The following BCAT1 variants were observed in gnomAD, a reference collection of about 807,000 sequenced individuals.
The protein encoded by BCAT1 is branched chain amino acid transaminase 1, also known as branched-chain-amino-acid aminotransferase, cytosolic.
A neutral mutation model predicts 52.4 loss-of-function variants in BCAT1; 48 were observed. That is an observed-to-expected ratio of 0.92 (90% CI 0.73 to 1.16). The LOEUF is 1.16. Ranked by LOEUF, BCAT1 falls within the 50% of genes most tolerant of loss-of-function variation. BCAT1 has a pLI of 0.00. For synonymous variants in BCAT1, 167 were observed against 161.3 expected, an observed-to-expected ratio of 1.04 and a Z score of -0.27; for missense variants, 451 against 457.1, an observed-to-expected ratio of 0.99 and a Z score of 0.12.
At chr12:24,870,534 A>G (rs1942156276) in intron 5 of BCAT1, among the ~76,000 whole-genome samples, 1 of 152,198 alleles carries the variant, frequency 6.6e-6, no homozygotes, top group African/African-American at 2.4e-5. Flanking sequence ...TATATTATGA[A>G]AGTCTGACCC....
In BCAT1 at chr12:24,851,625, C is replaced by T. The variant is rs145637384; in HGVS notation, c.511-1676G>A. ...TGATGGAAGACTATGTTAGAGAAAT[C>T]CGTCAGCAAGCAACAACAGGTTTTG... On this transcript the variant is annotated intron_variant, in intron 5 of 10. Coordinates refer to ENST00000261192, the MANE Select transcript of BCAT1 (RefSeq NM_005504.7). Among the ~76,000 whole-genome samples the T allele has an allele frequency of 1.5e-3, 224 of 152,312 alleles. No homozygotes were observed. The Middle Eastern group carries it at 0.017, about 12-fold the overall frequency.
intron 1 of BCAT1, among the ~76,000 whole-genome samples, chr12:24,927,147 G>A (rs2139734578): frequency 6.6e-6 from 1 of 152,248 alleles, no homozygotes; most frequent in South Asian, 2.1e-4. Context: ...TCTCTTGGAT[G>A]ATAATGAAAT....
At chr12:24,935,766 C>A (rs1016713135) in intron 1 of BCAT1, among the ~76,000 whole-genome samples, 1 of 152,190 alleles carries the variant, frequency 6.6e-6, no homozygotes, top group African/African-American at 2.4e-5. Flanking sequence ...CAAGTTCAAA[C>A]AAATTCTGCT....
intron 10 of BCAT1, among the ~76,000 whole-genome samples, chr12:24,822,412 G>C (rs556677386): frequency 2.0e-5 from 3 of 152,324 alleles, no homozygotes; most frequent in South Asian, 2.1e-4. Context: ...TTCGGTGGCT[G>C]TTGTTGGCCT....
chr12:24,823,951 A>G (rs1033282542), intron 10 of BCAT1, among the ~76,000 whole-genome samples: 31 of 152,296 alleles, frequency 2.0e-4, no homozygotes, highest in African/African-American at 7.5e-4. Flanking sequence ...AACTTTGGTA[A>G]TGGTTTCCCA....
upstream of BCAT1, chr12:24,949,148 C>A: frequency 1.7e-6 from 1 of 586,324 alleles, no homozygotes; most frequent in Non-Finnish European, 3.0e-6. Context: ...CGGATTGCAT[C>A]AGCAGGAAGA....
chr12:24,830,696 T>C (rs1940625074), intron 9 of BCAT1: 1 of 152,200 alleles, frequency 6.6e-6, no homozygotes, highest in East Asian at 1.9e-4. Flanking sequence ...ACTTCTTATT[T>C]CTAGAAGTGA....
At chr12:24,889,854 G>T (rs2139636268) in intron 3 of BCAT1, among the ~76,000 whole-genome samples, 1 of 152,176 alleles carries the variant, frequency 6.6e-6, no homozygotes, top group South Asian at 2.1e-4. Flanking sequence ...TAAAATAAAA[G>T]ACCCTCTCCG....
chr12:24,878,385 C>T (rs1320043922), intron 5 of BCAT1, 145 bp downstream of exon 5: 3 of 754,714 alleles, frequency 4.0e-6, no homozygotes. Context: ...ATGTTTGCTA[C>T]CTCTAATCTT....
intron 10 of BCAT1, among the ~76,000 whole-genome samples, chr12:24,821,856 T>C (rs1940148699): frequency 6.6e-6 from 1 of 152,158 alleles, no homozygotes; most frequent in Non-Finnish European, 1.5e-5. Flanking sequence ...GTATTTGGAC[T>C]GAGCAAAGGG....
intron 1 of BCAT1, among the ~76,000 whole-genome samples, chr12:24,937,472 GT>G (rs1217448854): frequency 6.6e-6 from 1 of 152,036 alleles, no homozygotes; most frequent in Non-Finnish European, 1.5e-5. Context: ...GGTTGAAGAG[GT>G]TTTTTGCTTA....
chr12:24,829,053 AAAG>A (rs1940531755), intron 10 of BCAT1, among the ~76,000 whole-genome samples: 1 of 150,116 alleles, frequency 6.7e-6, no homozygotes, highest in Non-Finnish European at 1.5e-5. Context: ...ATAAATAAAT[AAAG>A]TATATAAATG....
chr12:24,887,833 T>A (rs1164539292), intron 3 of BCAT1, among the ~76,000 whole-genome samples: 1 of 152,200 alleles, frequency 6.6e-6, no homozygotes, highest in Admixed American at 6.5e-5. Flanking sequence ...CTCCACTATT[T>A]GAAACCTTCA....
intron 1 of BCAT1, among the ~76,000 whole-genome samples, chr12:24,912,022 T>C (rs1943335598): frequency 6.6e-6 from 1 of 152,200 alleles, no homozygotes; most frequent in African/African-American, 2.4e-5. Flanking sequence ...AAATTTTGTT[T>C]TATACCAGTA....
chr12:24,914,927 A>G (rs1311837306), intron 1 of BCAT1, among the ~76,000 whole-genome samples: 1 of 152,240 alleles, frequency 6.6e-6, no homozygotes, highest in East Asian at 1.9e-4. Context: ...AAAAACAATT[A>G]TCAAGACTAG....
intron 6 of BCAT1, among the ~76,000 whole-genome samples, chr12:24,848,391 T>C (rs1452073540): frequency 6.6e-6 from 1 of 152,202 alleles, no homozygotes; most frequent in Non-Finnish European, 1.5e-5. Flanking sequence ...ACTGAAAACA[T>C]TAATTTTTAA....
chr12:24,877,696 T>C (rs1481366594), intron 5 of BCAT1, among the ~76,000 whole-genome samples: 2 of 152,256 alleles, frequency 1.3e-5, no homozygotes, highest in Non-Finnish European at 1.5e-5. Flanking sequence ...TCCCCTAAAT[T>C]TTAAAACCAT....
At chr12:24,866,880 T>C (rs1357441999) in intron 5 of BCAT1, among the ~76,000 whole-genome samples, 1 of 151,748 alleles carries the variant, frequency 6.6e-6, no homozygotes, top group Non-Finnish European at 1.5e-5. Flanking sequence ...GCAGGCTGCC[T>C]GAGCCAGCAG....
At chr12:24,888,477 C>T (rs1054110916) in intron 3 of BCAT1, among the ~76,000 whole-genome samples, 6 of 151,896 alleles carry the variant, frequency 4.0e-5, no homozygotes, top group African/African-American at 1.5e-4. Context: ...CCAGCCTGGG[C>T]GACAGAGCAA....
Sources: gnomAD v4.1 joint callset for allele counts (sites outside exome capture counted in the v4.1 genomes callset) on GRCh38, gnomAD v4.1.1 for gene constraint, MANE v1.5 for transcripts, NCBI Gene and HGNC (gene_info 2026-07-23, HGNC 2026-07-21) for gene names.